Variants in GMEB1 observed in about 807,000 individuals in gnomAD.
GMEB1 encodes the protein glucocorticoid modulatory element binding protein 1.
In GMEB1, 6 loss-of-function variants were observed where a neutral mutation model predicts 52.4. The observed-to-expected ratio is 0.11, with a 90% CI of 0.06 to 0.23. The LOEUF (loss-of-function observed/expected upper bound fraction) is 0.23, where lower values mean the gene tolerates loss of function less well. Among genes scored for constraint, GMEB1 ranks in the 10% least tolerant of loss-of-function variants. The pLI is 1.00. For synonymous variants in GMEB1, 255 were observed against 244.9 expected (o/e 1.04, Z -0.38); for missense variants, 486 against 685.6 (o/e 0.71, Z 3.25).
chr1:28,682,081 A>G (rs1003654697), intron 1 of GMEB1, among the ~76,000 whole-genome samples: 4 of 152,100 alleles, frequency 2.6e-5, no homozygotes, highest in East Asian at 3.9e-4. Context: ...TCATCTTTAC[A>G]TACTCATATA....
intron 6 of GMEB1, among the ~76,000 whole-genome samples, chr1:28,702,028 G>A (rs1311959735): frequency 6.6e-6 from 1 of 152,094 alleles, no homozygotes; most frequent in Non-Finnish European, 1.5e-5. Context: ...TAGAGCTCTT[G>A]GGAAAGCACT....
chr1:28,673,670 G>A (rs1669005529), intron 1 of GMEB1, among the ~76,000 whole-genome samples: 1 of 152,160 alleles, frequency 6.6e-6, no homozygotes, highest in Non-Finnish European at 1.5e-5. Context: ...TTTTCTGGTG[G>A]CTATATAAGC....
At chr1:28,711,466 G>A (rs1671059192) in intron 9 of GMEB1, among the ~76,000 whole-genome samples, 1 of 151,546 alleles carries the variant, frequency 6.6e-6, no homozygotes, top group South Asian at 2.1e-4. Context: ...TTGTTTATTT[G>A]TTTTTGAGAC....
chr1:28,706,635 G>A (rs1267467770), intron 8 of GMEB1, among the ~76,000 whole-genome samples: 1 of 150,220 alleles, frequency 6.7e-6, no homozygotes, highest in Non-Finnish European at 1.5e-5. Context: ...ATGATGAGAT[G>A]AGACCTTGTG....
intron 1 of GMEB1, among the ~76,000 whole-genome samples, chr1:28,682,577 A>G (rs928163298): frequency 8.0e-5 from 12 of 149,932 alleles, no homozygotes; most frequent in African/African-American, 2.7e-4. Context: ...AGCCAAGATC[A>G]TGCCACAGCA....
chr1:28,669,184 G>T (rs1476222769), intron 1 of GMEB1, among the ~76,000 whole-genome samples: 1 of 151,602 alleles, frequency 6.6e-6, no homozygotes, highest in Non-Finnish European at 1.5e-5. Flanking sequence ...CCCCCGGACC[G>T]AGGGGCCCGG....
upstream of GMEB1, chr1:28,668,770 G>GGCGGCCTCTGCGCATGCTCCGTC (rs1668722464): frequency 1.3e-5 from 2 of 151,922 alleles, no homozygotes; most frequent in South Asian, 4.1e-4. Context: ...TAGCTGCCGT[G>GGCGGCCTCTGCGCATGCTCCGTC]GCGGCCTCTG....
chr1:28,691,575 C>A lies in GMEB1; in HGVS notation c.212-10C>A. 3 of 1,515,526 alleles carry A rather than the reference C, an allele frequency of 2.0e-6. No homozygotes were observed. The highest frequency in any genetic ancestry group is 1.3e-5 in the South Asian group (1 of 79,194). 93.9% of individuals were successfully genotyped at this position (1,515,526 alleles called of 1,614,324 possible). A position where few individuals can be genotyped will look rare whatever the true frequency, so the allele number is the denominator to read the frequency against. ...GTTTGATAAATAACTGATATTTTTT[C>A]TGTTTTCAGATACAGGCACTATAGA... On this transcript the variant is annotated splice_polypyrimidine_tract_variant and intron_variant, in intron 3 of 9. Transcript: ENST00000373816.
Position 28,697,133 on chromosome 1 carries a change from C to T in GMEB1, c.598+49C>T, listed in dbSNP as rs1289398165. ...AAACCCATTGTGTTTTTCAGCAGAA[C>T]TTTCCCCCTTATTTCTCCCTTGTGT... On this transcript the variant is annotated intron_variant, in intron 6 of 9. Transcript: ENST00000373816. 4 of 1,092,138 alleles carry T rather than the reference C, an allele frequency of 3.7e-6. No individual in the cohort carries two copies. The East Asian group carries it at 8.6e-5, about 24-fold the overall frequency. The allele number at this position is 1,092,138 out of a possible 1,614,324, so 67.7% of individuals were successfully genotyped here.
intron 7 of GMEB1, among the ~76,000 whole-genome samples, chr1:28,703,275 G>A (rs995591408): frequency 2.6e-5 from 4 of 152,126 alleles, no homozygotes; most frequent in Non-Finnish European, 4.4e-5. Flanking sequence ...GACCAGGAGA[G>A]GCTTCACATC....
At chr1:28,704,381 G>A (rs760049931) in intron 8 of GMEB1, 52 bp downstream of exon 8, 27 of 1,503,162 alleles carry the variant, frequency 1.8e-5, no homozygotes, top group Non-Finnish European at 2.2e-5. Flanking sequence ...ACTCACCTCC[G>A]TAGGCAGGTC....
intron 2 of GMEB1, 135 bp from the exon 3 acceptor site, chr1:28,689,969 C>A: frequency 1.8e-6 from 1 of 561,988 alleles, no homozygotes. Context: ...CAATGGGAAA[C>A]TAGTCAGAGT....
rs1397504306 is a variant in GMEB1 at position 28,692,965 on chromosome 1, C to T, written c.360C>T (p.Pro120=). The change falls in exon 5 of 10, where the codon CCC becomes CCT. Residue 120 remains proline, a synonymous_variant. Transcript: ENST00000373816. ...AGTTCAATGATCAGTTGATCAGCCC[C>T]AAGCACTTTGTTCATCTGGCTGGCA... ...CVKFNDQLIS[P]KHFVHLAGKS... 1.2e-6 allele frequency: 2 copies of T among 1,606,850 alleles called. No homozygotes were observed. The highest frequency in any genetic ancestry group is 1.7e-6 in the Non-Finnish European group (2 of 1,175,492).
intron 8 of GMEB1, among the ~76,000 whole-genome samples, chr1:28,709,060 G>C (rs1052378722): frequency 1.4e-4 from 22 of 151,998 alleles, no homozygotes; most frequent in African/African-American, 5.3e-4. Flanking sequence ...TGTGAACCCG[G>C]GAGGTGGAGC....
intron 5 of GMEB1, 44 bp downstream of exon 5, chr1:28,693,089 G>T (rs1277839897): frequency 1.1e-6 from 1 of 952,148 alleles, no homozygotes; most frequent in African/African-American, 1.7e-5. Context: ...AAACTTTGGG[G>T]CACATAATCA....
At chr1:28,687,383 C>A (rs145095016) in intron 2 of GMEB1, among the ~76,000 whole-genome samples, 24,314 of 34,188 alleles carry the variant, frequency 0.71, 9,054 homozygotes, top group East Asian at 0.77. Context: ...CACACACACA[C>A]ACACAAAAAA....
intron 1 of GMEB1, among the ~76,000 whole-genome samples, chr1:28,673,683 C>T (rs904388147): frequency 8.5e-5 from 13 of 152,136 alleles, no homozygotes; most frequent in African/African-American, 2.9e-4. Context: ...ATATAAGCAG[C>T]GATGTGCTTA....
chr1:28,686,073 G>T (rs1337099989), intron 2 of GMEB1, among the ~76,000 whole-genome samples: 1 of 152,170 alleles, frequency 6.6e-6, no homozygotes, highest in Non-Finnish European at 1.5e-5. Context: ...GGGTGCAGTG[G>T]CTCATGCCTG....
At chr1:28,687,571 A>G (rs1177642404) in intron 2 of GMEB1, among the ~76,000 whole-genome samples, 1 of 151,988 alleles carries the variant, frequency 6.6e-6, no homozygotes, top group Non-Finnish European at 1.5e-5. Context: ...ATATCATACA[A>G]AGGATTTGGA....
Sources: allele counts gnomAD v4.1 joint callset (sites outside exome capture counted in the v4.1 genomes callset), GRCh38; gene constraint gnomAD v4.1.1; transcripts MANE v1.5; gene names NCBI Gene and HGNC (gene_info 2026-07-23, HGNC 2026-07-21).